The following PTPRO variants were observed in gnomAD, a reference collection of about 807,000 sequenced individuals.
PTPRO encodes receptor-type tyrosine-protein phosphatase O.
A neutral mutation model predicts 145.2 loss-of-function variants in PTPRO; 62 were observed. That is an observed-to-expected ratio of 0.43 (90% confidence interval 0.35 to 0.53). The LOEUF is 0.53. PTPRO is among the 20% of genes least tolerant of loss of function. PTPRO has a pLI of 0.01. For missense variants in PTPRO, 1,345 were observed against 1,482.7 expected (o/e 0.91, Z 1.53); for synonymous variants, 565 against 514.7 (o/e 1.10, Z -1.32).
chr12:15,502,209 T>C, intron 5 of PTPRO, 146 bp downstream of exon 5: 1 of 826,978 alleles, frequency 1.2e-6, no homozygotes, highest in Admixed American at 2.6e-5. Flanking sequence ...TTTAATTGAG[T>C]ATCCAATGCA....
chr12:15,376,606 A>G (rs1447145264), intron 1 of PTPRO, among the ~76,000 whole-genome samples: 1 of 152,160 alleles, frequency 6.6e-6, no homozygotes, highest in Admixed American at 6.6e-5. Context: ...CTTAAACAAC[A>G]AGTATTTGTT....
intron 10 of PTPRO, among the ~76,000 whole-genome samples, chr12:15,523,857 G>T (rs1176978234): frequency 6.6e-6 from 1 of 150,956 alleles, no homozygotes. Context: ...GAATGCAGTG[G>T]CAGGCTCATG....
intron 1 of PTPRO, among the ~76,000 whole-genome samples, chr12:15,370,651 A>C (rs1938499367): frequency 6.6e-6 from 1 of 152,158 alleles, no homozygotes; most frequent in Admixed American, 6.5e-5. Context: ...TTAATCCATA[A>C]AACATTTTTG....
At chr12:15,491,373 T>G (rs747749751) in intron 2 of PTPRO, among the ~76,000 whole-genome samples, 7 of 152,230 alleles carry the variant, frequency 4.6e-5, no homozygotes, top group Non-Finnish European at 7.3e-5. Flanking sequence ...TAATAAGTAA[T>G]ACATAGCTAC....
At chr12:15,359,142 T>C (rs1335281140) in intron 1 of PTPRO, among the ~76,000 whole-genome samples, 3 of 152,188 alleles carry the variant, frequency 2.0e-5, no homozygotes, top group Admixed American at 2.0e-4. Context: ...ATTTTCCAGA[T>C]GATCAGACCT....
Position 15,452,180 on chromosome 12 carries a change from G to A in PTPRO, c.76-31794G>A, listed in dbSNP as rs539164813. On this transcript the variant is annotated intron_variant, in intron 1 of 26. Coordinates refer to ENST00000281171, the MANE Select transcript of PTPRO (RefSeq NM_030667.3). ...AGGAGATATTACAACTGACACCACA[G>A]AAATACAAAAGGTCATTCAAAGTTA... 1.3e-4 allele frequency among the ~76,000 whole-genome samples: 20 copies of A among 152,256 alleles called. No individual in the cohort carries two copies. In the South Asian group the frequency reaches 4.2e-3, roughly 32 times the overall value.
At position 15,501,999 on chromosome 12, in the gene PTPRO, G is replaced by T. The variant is rs1942232001; in HGVS notation, c.1041G>T (p.Leu347Phe). The change falls in exon 5 of 27, where the codon TTG (leucine) becomes TTT (phenylalanine). Residue 347 changes from leucine (L) to phenylalanine (F), a missense_variant. Physicochemically the swap from Leu to Phe is conservative, Grantham distance 22. Around this residue, in one of 3 missense-constraint regions of PTPRO, gnomAD observed 1,130 missense variants for 1,214.7 expected, o/e 0.93. Coordinates refer to ENST00000281171, the MANE Select transcript of PTPRO (RefSeq NM_030667.3). ...SFSFFPVQMI[L>F]TWLPPKPPTA... is the part of the protein sequence containing the mutation. ...CCTTTTTCCCTGTGCAAATGATATTGACCTGGTTACCACCCAAACCACCCA... is the reference window on the plus strand; with the variant it reads ...CCTTTTTCCCTGTGCAAATGATATTTACCTGGTTACCACCCAAACCACCCA... The T allele has an allele frequency of 6.2e-7, 1 of 1,613,844 alleles. No homozygotes were observed. The highest frequency in any genetic ancestry group is 1.7e-5 in the Admixed American group (1 of 59,984).
At chr12:15,373,819 T>A (rs911131262) in intron 1 of PTPRO, among the ~76,000 whole-genome samples, 2 of 152,156 alleles carry the variant, frequency 1.3e-5, no homozygotes, top group African/African-American at 4.8e-5. Context: ...AAAAATGTAA[T>A]ACAAAATTCT....
In PTPRO at chr12:15,369,839, G is replaced by A. The variant is rs147354968; in HGVS notation, c.75+47038G>A. 4.0e-3 allele frequency among the ~76,000 whole-genome samples: 603 copies of A among 152,228 alleles called. 2 individuals carry two copies. Among genetic ancestry groups the A allele is most frequent in the Middle Eastern group, 0.017 (5 of 294 alleles). On this transcript the variant is annotated intron_variant, in intron 1 of 26. Coordinates refer to ENST00000281171, the MANE Select transcript of PTPRO (RefSeq NM_030667.3). Reference sequence around the variant, plus strand: ...GGCCAAGGAGGGTGGATCACCTGAGGTCAGGAGTGCAAGACCAGCCTAACC... The same window carrying A: ...GGCCAAGGAGGGTGGATCACCTGAGATCAGGAGTGCAAGACCAGCCTAACC...
chr12:15,546,168 A>G (rs1048854858), intron 12 of PTPRO, among the ~76,000 whole-genome samples: 4 of 152,204 alleles, frequency 2.6e-5, no homozygotes, highest in African/African-American at 9.7e-5. Context: ...GCATCTCATC[A>G]TTAGAAGGAA....
At chr12:15,492,564 AT>A (rs1370911479) in intron 2 of PTPRO, among the ~76,000 whole-genome samples, 10 of 152,110 alleles carry the variant, frequency 6.6e-5, no homozygotes, top group African/African-American at 1.9e-4. Context: ...CAGAAATAAA[AT>A]AAAAACATAT....
intron 19 of PTPRO, among the ~76,000 whole-genome samples, chr12:15,575,512 G>A (rs1384909643): frequency 1.3e-5 from 2 of 152,186 alleles, no homozygotes; most frequent in Non-Finnish European, 2.9e-5. Flanking sequence ...AATCTCTACT[G>A]TTTAAACTAT....
At chr12:15,413,942 C>A (rs907163244) in intron 1 of PTPRO, among the ~76,000 whole-genome samples, 4 of 152,070 alleles carry the variant, frequency 2.6e-5, no homozygotes, top group Admixed American at 6.6e-5. Flanking sequence ...GATTTAGGAA[C>A]CAGTAATATA....
intron 1 of PTPRO, among the ~76,000 whole-genome samples, chr12:15,407,296 C>A (rs1479242378): frequency 6.6e-6 from 1 of 152,174 alleles, no homozygotes; most frequent in Non-Finnish European, 1.5e-5. Flanking sequence ...ATGTGAAATT[C>A]AGTTTATCTG....
intron 1 of PTPRO, among the ~76,000 whole-genome samples, chr12:15,330,166 G>A (rs147391091): frequency 6.6e-6 from 1 of 152,294 alleles, no homozygotes; most frequent in East Asian, 1.9e-4. Flanking sequence ...CTGCAAGAAA[G>A]GCTATCCCAA....
chr12:15,436,789 G>T lies in PTPRO; in HGVS notation c.76-47185G>T, dbSNP rs183388642. On this transcript the variant is annotated intron_variant, in intron 1 of 26. Coordinates refer to ENST00000281171, the MANE Select transcript of PTPRO (RefSeq NM_030667.3). ...GAGATTGAAGCATCTTATCTGGAGT[G>T]GGGTGGGGGCCTCCACAGCCAGAAC... Among the ~76,000 whole-genome samples the T allele has an allele frequency of 3.1e-3, 470 of 152,308 alleles. 1 individual carries two copies. Among genetic ancestry groups the T allele is most frequent in the Non-Finnish European group, 3.4e-3 (232 of 68,022 alleles).
chr12:15,444,223 T>C (rs971975720), intron 1 of PTPRO, among the ~76,000 whole-genome samples: 6 of 151,944 alleles, frequency 3.9e-5, no homozygotes, highest in Non-Finnish European at 1.5e-5. Flanking sequence ...CTAAGCAAAT[T>C]AACACAGGAA....
rs761342171 is a variant in PTPRO, at chr12:15,501,903, C to T, written c.945C>T (p.Ser315=). ...CTGAAAGTGAAGATGAATTTGTCAG[C>T]GTACTTCCCATGGAATACGAAAATA... ...AAPESEDEFV[S]VLPMEYENNS... Residue 315 remains serine (S), a synonymous_variant, in exon 5 of 27, where the codon AGC becomes AGT. Coordinates refer to ENST00000281171, the MANE Select transcript of PTPRO (RefSeq NM_030667.3). 16 of 1,613,896 alleles carry T rather than the reference C, an allele frequency of 9.9e-6. No individual in the cohort carries two copies. The highest frequency in any genetic ancestry group is 1.3e-5 in the Non-Finnish European group (15 of 1,179,992).
chr12:15,511,003 C>CAAAAAAAAAAAAAA (rs10648692), intron 7 of PTPRO, among the ~76,000 whole-genome samples: 1 of 105,650 alleles, frequency 9.5e-6, no homozygotes, highest in African/African-American at 3.4e-5. Flanking sequence ...TCTGTCTCCA[C>CAAAAAAAAAAAAAA]AAAAAAAAAA....
Sources: gnomAD v4.1 joint callset for allele counts (sites outside exome capture counted in the v4.1 genomes callset) on GRCh38, gnomAD v4.1.1 for gene constraint, gnomAD v4.1.1 regional missense constraint, MANE v1.5 for transcripts, NCBI Gene and HGNC (gene_info 2026-07-23, HGNC 2026-07-21) for gene names.